Variants in LRMDA observed in about 807,000 individuals in gnomAD.
LRMDA encodes leucine-rich melanocyte differentiation-associated protein.
Under a neutral mutation model 29.8 loss-of-function variants are expected in LRMDA, and 18 were observed. That is an observed-to-expected ratio of 0.60 (90% CI 0.42 to 0.90). The LOEUF (loss-of-function observed/expected upper bound fraction) is 0.90. Among genes scored for constraint, LRMDA ranks in the 40% least tolerant of loss-of-function variants. LRMDA has a pLI of 0.00. For missense variants in LRMDA, 273 were observed against 273.9 expected (o/e 1.00, Z 0.02); for synonymous variants, 125 against 109.4 (o/e 1.14, Z -0.89).
chr10:75,564,626 C>T (rs1021599496), intron 2 of LRMDA, among the ~76,000 whole-genome samples: 3 of 152,256 alleles, frequency 2.0e-5, no homozygotes, highest in Admixed American at 6.5e-5. Context: ...TCTTCTGCGT[C>T]GCTCACGCTG....
intron 5 of LRMDA, among the ~76,000 whole-genome samples, chr10:76,201,335 C>A (rs566845966): frequency 6.6e-6 from 1 of 150,504 alleles, no homozygotes; most frequent in South Asian, 2.1e-4. Flanking sequence ...CCTCATGATC[C>A]GCCTGTCTTG....
At chr10:76,017,533 A>G (rs560913981) in intron 2 of LRMDA, among the ~76,000 whole-genome samples, 2 of 152,292 alleles carry the variant, frequency 1.3e-5, no homozygotes, top group East Asian at 3.9e-4. Flanking sequence ...GCTACACCTC[A>G]TGTTCTGTCC....
intron 5 of LRMDA, among the ~76,000 whole-genome samples, chr10:76,080,993 C>G (rs1849040265): frequency 6.6e-6 from 1 of 152,162 alleles, no homozygotes; most frequent in African/African-American, 2.4e-5. Flanking sequence ...ACGGCTGTAA[C>G]AGACAGTTTG....
chr10:76,070,738 TAAGAGTAAAATACCTAA>T (rs1364498736), intron 5 of LRMDA, among the ~76,000 whole-genome samples: 1 of 63,014 alleles, frequency 1.6e-5, no homozygotes, highest in East Asian at 1.9e-4. Context: ...TACTTCCTAG[TAAGAGTAAAATACCTAA>T]AAGAAAGGAA....
At chr10:76,362,962 A>T (rs1841329304) in intron 6 of LRMDA, among the ~76,000 whole-genome samples, 1 of 151,336 alleles carries the variant, frequency 6.6e-6, no homozygotes, top group African/African-American at 2.4e-5. Context: ...AAGTCATGAT[A>T]TCATTAGGGT....
intron 5 of LRMDA, among the ~76,000 whole-genome samples, chr10:76,189,167 G>T (rs1851202011): frequency 6.6e-6 from 1 of 152,084 alleles, no homozygotes; most frequent in African/African-American, 2.4e-5. Flanking sequence ...AGACCAGCCT[G>T]CCCAAGATGG....
intron 2 of LRMDA, among the ~76,000 whole-genome samples, chr10:75,991,874 A>T (rs1292986728): frequency 1.3e-5 from 2 of 152,194 alleles, no homozygotes; most frequent in Non-Finnish European, 2.9e-5. Context: ...GGAGGACAGC[A>T]GTCAGCTGCC....
chr10:75,521,210 G>A (rs1332993754), intron 2 of LRMDA, among the ~76,000 whole-genome samples: 1 of 152,188 alleles, frequency 6.6e-6, no homozygotes, highest in Non-Finnish European at 1.5e-5. Context: ...GAGCTCAAAC[G>A]CCATGCTGGG....
At chr10:75,432,354 C>T (rs566366804) in intron 1 of LRMDA, among the ~76,000 whole-genome samples, 123 of 152,324 alleles carry the variant, frequency 8.1e-4, no homozygotes, top group Middle Eastern at 3.4e-3. Context: ...AGTTCTCTTT[C>T]CACACTCGAT....
At chr10:76,350,935 C>G (rs1841169061) in intron 6 of LRMDA, among the ~76,000 whole-genome samples, 1 of 152,078 alleles carries the variant, frequency 6.6e-6, no homozygotes, top group African/African-American at 2.4e-5. Flanking sequence ...GAATCTGAAT[C>G]CAAACCACAA....
intron 2 of LRMDA, among the ~76,000 whole-genome samples, chr10:75,823,266 C>T (rs1281484656): frequency 1.3e-5 from 2 of 151,992 alleles, no homozygotes; most frequent in Non-Finnish European, 2.9e-5. Flanking sequence ...ACAAAACAAA[C>T]AAACCAAATA....
intron 2 of LRMDA, among the ~76,000 whole-genome samples, chr10:75,457,605 A>G (rs1844535841): frequency 6.6e-6 from 1 of 152,218 alleles, no homozygotes; most frequent in African/African-American, 2.4e-5. Context: ...GAGGCTGTAC[A>G]TTAAATAATA....
chr10:76,079,961 C>G (rs1359016758), intron 5 of LRMDA, among the ~76,000 whole-genome samples: 4 of 152,128 alleles, frequency 2.6e-5, no homozygotes. Context: ...GCTGCCAGCT[C>G]TAAGTTTTCT....
chr10:76,258,612 T>C (rs1387964171), intron 5 of LRMDA, among the ~76,000 whole-genome samples: 1 of 152,160 alleles, frequency 6.6e-6, no homozygotes, highest in Admixed American at 6.5e-5. Context: ...AACCCTCTCT[T>C]TGCTTTACCC....
At chr10:76,147,439 C>G (rs1850348601) in intron 5 of LRMDA, among the ~76,000 whole-genome samples, 1 of 152,168 alleles carries the variant, frequency 6.6e-6, no homozygotes, top group Admixed American at 6.5e-5. Flanking sequence ...TTCATTTCAT[C>G]TTCCATCACT....
intron 2 of LRMDA, among the ~76,000 whole-genome samples, chr10:75,546,089 C>G: frequency 6.6e-6 from 1 of 152,138 alleles, no homozygotes; most frequent in Non-Finnish European, 1.5e-5. Flanking sequence ...AAGTTGGAAT[C>G]TTTCATGAAG....
intron 2 of LRMDA, among the ~76,000 whole-genome samples, chr10:75,791,856 C>CTTTTTTTTTTTTTTTTTTTTTTTTTTTT (rs5786188): frequency 9.8e-6 from 1 of 102,066 alleles, no homozygotes; most frequent in Non-Finnish European, 2.0e-5. Flanking sequence ...ATTCCAGGAT[C>CTTTTTTTTTTTTTTTTTTTTTTTTTTTT]TTTTTTTTTT....
At chr10:76,233,031 G>A (rs999972841) in intron 5 of LRMDA, among the ~76,000 whole-genome samples, 2 of 152,188 alleles carry the variant, frequency 1.3e-5, no homozygotes, top group African/African-American at 2.4e-5. Flanking sequence ...TGCGCCAAAT[G>A]GGAAGACAAG....
At position 75,992,939 on chromosome 10, in the gene LRMDA, T is replaced by C. The variant is rs138058378; in HGVS notation, c.132-43069T>C. Among the ~76,000 whole-genome samples, 60 of 152,126 alleles carry C rather than the reference T, an allele frequency of 3.9e-4. 1 individual carries two copies. In the East Asian group the frequency reaches 0.01, roughly 26 times the overall value. ...TAAATATTCAGGTTACAGGGTATAA[T>C]CTTAACATTTAGGTTAACTGTCAAA... On this transcript the variant is annotated intron_variant, in intron 2 of 6. Coordinates refer to ENST00000611255, the MANE Select transcript of LRMDA (RefSeq NM_001305581.2).
Sources: allele counts gnomAD v4.1 joint callset (sites outside exome capture counted in the v4.1 genomes callset), GRCh38; gene constraint gnomAD v4.1.1; transcripts MANE v1.5; gene names NCBI Gene and HGNC (gene_info 2026-07-23, HGNC 2026-07-21).